TSEN15: variants seen among roughly 807,000 people sequenced by gnomAD.
TSEN15 encodes the protein tRNA-splicing endonuclease subunit Sen15.
In TSEN15, 10 loss-of-function variants were observed where a neutral mutation model predicts 20.5. The ratio of observed to expected loss-of-function variants is 0.49; its 90% CI spans 0.30 to 0.83. TSEN15 has a LOEUF of 0.83. TSEN15 is among the 40% of genes least tolerant of loss of function. TSEN15 has a pLI of 0.06. For synonymous variants in TSEN15, 72 were observed against 80.1 expected (o/e 0.90, Z 0.54); for missense variants, 180 against 218.6 (o/e 0.82, Z 1.11).
chr1:184,086,896 G>A (rs1289882202), intron 3 of TSEN15, among the ~76,000 whole-genome samples: 2 of 152,146 alleles, frequency 1.3e-5, no homozygotes, highest in Non-Finnish European at 2.9e-5. Flanking sequence ...AGGGGGAGGT[G>A]TATTCAAGTT....
chr1:184,081,606 C>G (rs1000347850), intron 3 of TSEN15, among the ~76,000 whole-genome samples: 3 of 152,096 alleles, frequency 2.0e-5, no homozygotes, highest in African/African-American at 7.2e-5. Context: ...AGGAGAGAGC[C>G]GGCAGGTAGA....
At chr1:184,092,193 T>C (rs1248357171) in intron 3 of TSEN15, among the ~76,000 whole-genome samples, 1 of 152,196 alleles carries the variant, frequency 6.6e-6, no homozygotes, top group Non-Finnish European at 1.5e-5. Context: ...TTTGCATGAG[T>C]GCAGAAATTA....
chr1:184,053,070 C>G (rs182883392), intron 1 of TSEN15, among the ~76,000 whole-genome samples: 2 of 152,302 alleles, frequency 1.3e-5, no homozygotes, highest in East Asian at 3.9e-4. Flanking sequence ...ACACCAGTAA[C>G]AACTTTTTAA....
chr1:184,063,483 T>C (rs1191754531), intron 3 of TSEN15, among the ~76,000 whole-genome samples: 1 of 152,196 alleles, frequency 6.6e-6, no homozygotes, highest in African/African-American at 2.4e-5. Flanking sequence ...AAAGTTAGGA[T>C]TCCTAGCCTG....
chr1:184,065,766 A>G (rs1650632195), intron 3 of TSEN15, among the ~76,000 whole-genome samples: 1 of 152,174 alleles, frequency 6.6e-6, no homozygotes, highest in Non-Finnish European at 1.5e-5. Context: ...GATGTTGAGC[A>G]TCTTTTCATA....
chr1:184,051,984 G>A (rs1400507659), intron 1 of TSEN15, 94 bp downstream of exon 1: 1 of 1,211,028 alleles, frequency 8.3e-7, no homozygotes, highest in African/African-American at 1.6e-5. Context: ...CTCAGTGGGA[G>A]ACTGAGGACG....
chr1:184,065,196 A>T (rs1650608043), intron 3 of TSEN15, among the ~76,000 whole-genome samples: 1 of 152,022 alleles, frequency 6.6e-6, no homozygotes, highest in African/African-American at 2.4e-5. Context: ...ACACACACAC[A>T]CACACACACT....
chr1:184,062,277 G>T (rs1002354235), intron 3 of TSEN15, among the ~76,000 whole-genome samples: 1 of 152,222 alleles, frequency 6.6e-6, no homozygotes, highest in Middle Eastern at 3.4e-3. Context: ...CAGTACTCTA[G>T]ATTGTTTCTT....
At chr1:184,078,766 T>C (rs530407766), downstream of TSEN15, among the ~76,000 whole-genome samples, 7 of 152,206 alleles carry the variant, frequency 4.6e-5, no homozygotes, top group Non-Finnish European at 1.0e-4. Flanking sequence ...GTTCACGTAG[T>C]CAGCATTTTT....
Position 184,072,878 on chromosome 1 carries a change from A to T in TSEN15, c.*31A>T, listed in dbSNP as rs1356446608. Reference sequence around the variant, plus strand: ...ATGTTTCCTGATGCTTGTTTTATTCATACAAGATTGGATTTGAGACCCATC... The same window carrying T: ...ATGTTTCCTGATGCTTGTTTTATTCTTACAAGATTGGATTTGAGACCCATC... On this transcript the variant is annotated 3_prime_UTR_variant, in exon 5 of 5. Coordinates refer to ENST00000645668, the MANE Select transcript of TSEN15 (RefSeq NM_052965.4). The T allele has an allele frequency of 4.4e-6, 7 of 1,596,988 alleles. No homozygotes were observed. Among genetic ancestry groups the T allele is most frequent in the Non-Finnish European group, 6.0e-6 (7 of 1,172,696 alleles).
chr1:184,062,016 G>C (rs987270298), intron 3 of TSEN15, among the ~76,000 whole-genome samples: 1 of 152,104 alleles, frequency 6.6e-6, no homozygotes, highest in Non-Finnish European at 1.5e-5. Context: ...AGAAGGTCTT[G>C]TGTGTAATAG....
At chr1:184,061,497 C>G (rs1025694053) in intron 3 of TSEN15, among the ~76,000 whole-genome samples, 3 of 152,090 alleles carry the variant, frequency 2.0e-5, no homozygotes, top group Non-Finnish European at 2.9e-5. Flanking sequence ...TTGAAGGAGA[C>G]AAATTTTATA....
intron 3 of TSEN15, among the ~76,000 whole-genome samples, chr1:184,059,844 T>C (rs757070047): frequency 6.6e-6 from 1 of 152,358 alleles, no homozygotes; most frequent in South Asian, 2.1e-4. Context: ...ATTCTGGCAT[T>C]ACAGGTGTGA....
intron 3 of TSEN15, among the ~76,000 whole-genome samples, chr1:184,066,978 T>C (rs929683218): frequency 6.6e-6 from 1 of 152,222 alleles, no homozygotes; most frequent in Admixed American, 6.5e-5. Context: ...ATAGATCCTA[T>C]AAATATTTTG....
chr1:184,066,302 A>G (rs1042656898), intron 3 of TSEN15, among the ~76,000 whole-genome samples: 7 of 151,328 alleles, frequency 4.6e-5, no homozygotes, highest in African/African-American at 1.2e-4. Context: ...ATGTGAGTCA[A>G]TTCTGAGCTC....
chr1:184,086,358 T>C (rs1169258313), intron 3 of TSEN15, among the ~76,000 whole-genome samples: 1 of 152,208 alleles, frequency 6.6e-6, no homozygotes, highest in African/African-American at 2.4e-5. Context: ...GCTTCTCTTC[T>C]CTCTTCCTGT....
chr1:184,096,544 G>A (rs1474388485), exon 4 of TSEN15: 1 of 152,220 alleles, frequency 6.6e-6, no homozygotes, highest in African/African-American at 2.4e-5. Context: ...ATCAGGAAGA[G>A]GGACCTCTCA....
rs543786300 is a variant in TSEN15 at position 184,071,836 on chromosome 1, T to C, written c.354-321T>C. On this transcript the variant is annotated intron_variant, in intron 3 of 4. Coordinates refer to ENST00000645668, the MANE Select transcript of TSEN15 (RefSeq NM_052965.4). ...ACTCAAAAGGGCAGAGATTGTCAGA[T>C]TGGATATAAAAACAAGATCCAACTA... Among the ~76,000 whole-genome samples the C allele has an allele frequency of 3.8e-4, 58 of 152,138 alleles. No individual in the cohort carries two copies. The Middle Eastern group carries it at 0.01, about 27-fold the overall frequency.
intron 3 of TSEN15, among the ~76,000 whole-genome samples, chr1:184,069,936 C>T (rs2102892722): frequency 6.6e-6 from 1 of 152,044 alleles, no homozygotes. Flanking sequence ...ATCACCGCCC[C>T]CTCCAACCAA....
Sources: allele counts gnomAD v4.1 joint callset (sites outside exome capture counted in the v4.1 genomes callset), GRCh38; gene constraint gnomAD v4.1.1; transcripts MANE v1.5; gene names NCBI Gene and HGNC (gene_info 2026-07-23, HGNC 2026-07-21).